Variants in FANCL observed in about 807,000 individuals in gnomAD.
The protein encoded by FANCL is FA complementation group L, also known as E3 ubiquitin-protein ligase FANCL.
FANCL carries 69 observed loss-of-function variants against 59.4 expected under a neutral mutation model. That is an observed-to-expected ratio of 1.16 (90% CI 0.96 to 1.42). FANCL has a LOEUF of 1.42. Ranked by LOEUF, FANCL falls within the 40% of genes most tolerant of loss-of-function variation. The pLI, the probability that FANCL is intolerant of heterozygous loss-of-function variation, is 0.00. For missense variants in FANCL, 519 were observed against 447.2 expected, an observed-to-expected ratio of 1.16 and a Z score of -1.45; for synonymous variants, 180 against 147.1, an observed-to-expected ratio of 1.22 and a Z score of -1.62.
chr2:58,229,026 T>C (rs999234262), intron 3 of FANCL, among the ~76,000 whole-genome samples: 4 of 152,184 alleles, frequency 2.6e-5, no homozygotes, highest in Non-Finnish European at 4.4e-5. Context: ...TGTAATTATA[T>C]TGCCAGGATG....
At chr2:58,178,580 C>T (rs72810360) in intron 7 of FANCL, among the ~76,000 whole-genome samples, 33,839 of 152,012 alleles carry the variant, frequency 0.22, 4,457 homozygotes, top group African/African-American at 0.37. Context: ...TGGAACATAT[C>T]TCAAAACAGT....
intron 5 of FANCL, among the ~76,000 whole-genome samples, chr2:58,214,317 G>A (rs1238532164): frequency 6.6e-6 from 1 of 152,018 alleles, no homozygotes; most frequent in Admixed American, 6.5e-5. Context: ...ATAATACAAA[G>A]CAAAAGACAA....
chr2:58,233,684 G>A (rs1289007237), intron 1 of FANCL, among the ~76,000 whole-genome samples: 1 of 151,926 alleles, frequency 6.6e-6, no homozygotes, highest in Non-Finnish European at 1.5e-5. Context: ...TAGAGTGCTA[G>A]GAAGGTCAGG....
chr2:58,200,035 T>G (rs1488000164), intron 6 of FANCL, among the ~76,000 whole-genome samples: 1 of 151,402 alleles, frequency 6.6e-6, no homozygotes, highest in East Asian at 1.9e-4. Context: ...TCTGGCTATG[T>G]AGAACTAATT....
At chr2:58,202,231 C>A (rs144280273) in intron 6 of FANCL, among the ~76,000 whole-genome samples, 1 of 100,708 alleles carries the variant, frequency 9.9e-6, no homozygotes. Context: ...ATACCTATAC[C>A]TTTTTCCTAA....
chr2:58,230,554 ATAC>A (rs568288142), intron 2 of FANCL, among the ~76,000 whole-genome samples: 213 of 152,320 alleles, frequency 1.4e-3, no homozygotes, highest in African/African-American at 4.9e-3. Context: ...TGTGCTCCCG[ATAC>A]TATTAAGTAA....
At chr2:58,229,196 A>T (rs1693329195) in intron 3 of FANCL, among the ~76,000 whole-genome samples, 1 of 152,222 alleles carries the variant, frequency 6.6e-6, no homozygotes, top group African/African-American at 2.4e-5. Flanking sequence ...ACAAATGCAT[A>T]AAGCATAAAA....
chr2:58,211,300 G>A (rs1490867978), intron 5 of FANCL, among the ~76,000 whole-genome samples: 2 of 152,066 alleles, frequency 1.3e-5, no homozygotes, highest in African/African-American at 2.4e-5. Context: ...ACCCTCTGCA[G>A]CCACGGCCCA....
chr2:58,219,505 A>C (rs1320410440), intron 5 of FANCL, among the ~76,000 whole-genome samples: 6 of 151,892 alleles, frequency 4.0e-5, no homozygotes, highest in African/African-American at 1.5e-4. Flanking sequence ...TCCAAAGAGT[A>C]AAGTGTGGAG....
chr2:58,237,118 T>G (rs115903145), intron 1 of FANCL, among the ~76,000 whole-genome samples: 1 of 152,112 alleles, frequency 6.6e-6, no homozygotes, highest in Non-Finnish European at 1.5e-5. Context: ...CTGAACCAAT[T>G]TGACCTAACT....
At chr2:58,159,840 C>CTCTAAAAAATAAAA in intron 13 of FANCL, 40 bp from the exon 14 acceptor site, 1 of 1,608,424 alleles carries the variant, frequency 6.2e-7, no homozygotes, top group Non-Finnish European at 8.5e-7. Flanking sequence ...TTTGTGGACA[C>CTCTAAAAAATAAAA]TCTAAAAAAT....
chr2:58,173,273 A>G lies in FANCL; in HGVS notation c.541-7399T>C, dbSNP rs1000805279. Among the ~76,000 whole-genome samples the G allele has an allele frequency of 4.6e-5, 7 of 152,184 alleles. No homozygotes were observed. In the South Asian group the frequency reaches 1.0e-3, roughly 22 times the overall value. On this transcript the variant is annotated intron_variant, in intron 7 of 13. Transcript: ENST00000233741. ...CAAGGCAGGCCAACATTCAGATTAA[A>G]GAAATACAGAGAATGCCACAAAGAT...
At chr2:58,177,856 A>C (rs548832663) in intron 7 of FANCL, among the ~76,000 whole-genome samples, 2 of 151,980 alleles carry the variant, frequency 1.3e-5, no homozygotes, top group Admixed American at 6.6e-5. Context: ...ACTAATAAAG[A>C]AGAAAAGAGA....
intron 1 of FANCL, among the ~76,000 whole-genome samples, chr2:58,238,874 C>A (rs1210166020): frequency 1.2e-4 from 18 of 152,114 alleles, no homozygotes; most frequent in Non-Finnish European, 2.2e-4. Context: ...TTTTAAAACA[C>A]TGATGAGAGG....
intron 11 of FANCL, among the ~76,000 whole-genome samples, chr2:58,162,104 A>G (rs985616613): frequency 1.8e-4 from 28 of 152,048 alleles, no homozygotes; most frequent in Admixed American, 2.6e-4. Context: ...CCCTGATAGT[A>G]TTTAAAGAAA....
intron 13 of FANCL, 33 bp from the exon 14 acceptor site, chr2:58,159,833 G>T (rs1354500464): frequency 6.2e-7 from 1 of 1,610,022 alleles, no homozygotes; most frequent in Non-Finnish European, 8.5e-7. Flanking sequence ...AACAAAGTTT[G>T]TGGACACTCT....
rs759217429 is a variant in FANCL, at chr2:58,232,107, T to C, written c.102A>G (p.Arg34=). The C allele has an allele frequency of 1.2e-6, 2 of 1,612,950 alleles. No homozygotes were observed. Among genetic ancestry groups the C allele is most frequent in the African/African-American group, 1.3e-5 (1 of 75,032 alleles). The change falls in exon 2 of 14, where the codon AGA becomes AGG. Residue 34 remains arginine (R), a synonymous_variant. Transcript: ENST00000233741. ...VYEGFISAQG[R]DFHLRIVLPE... is the part of the protein sequence containing the mutation. Reference sequence around the variant, plus strand: ...GCAACACTATCCTAAGGTGGAAGTCTCTTCCCTGTGGAAAATATTGAAAAG... The same window carrying C: ...GCAACACTATCCTAAGGTGGAAGTCCCTTCCCTGTGGAAAATATTGAAAAG...
chr2:58,229,874 T>C lies in FANCL; in HGVS notation c.156A>G (p.Arg52=). The change falls in exon 3 of 14, where the codon AGA becomes AGG. Residue 52 remains arginine, a splice_region_variant and synonymous_variant. Coordinates refer to ENST00000233741, the MANE Select transcript of FANCL (RefSeq NM_018062.4). ...TTCTCAGCTGCCAACTACATAATAA[T>C]CTAAAATTTTAATGAGACAAAATGG... is the stretch of plus-strand genomic sequence containing the variant. ...LPEDLQLKNA[R]LLCSWQLRTI... is the part of the protein sequence containing the mutation. 1 of 1,606,018 alleles carries C rather than the reference T, an allele frequency of 6.2e-7. No homozygotes were observed. Among genetic ancestry groups the C allele is most frequent in the Non-Finnish European group, 8.5e-7 (1 of 1,172,916 alleles).
intron 5 of FANCL, among the ~76,000 whole-genome samples, chr2:58,221,334 A>G (rs575194077): frequency 6.6e-6 from 1 of 152,380 alleles, no homozygotes; most frequent in Admixed American, 6.5e-5. Flanking sequence ...GAAACTGAAT[A>G]GCAAACAAAT....
Sources: gnomAD v4.1 joint callset for allele counts (sites outside exome capture counted in the v4.1 genomes callset) on GRCh38, gnomAD v4.1.1 for gene constraint, MANE v1.5 for transcripts, NCBI Gene and HGNC (gene_info 2026-07-23, HGNC 2026-07-21) for gene names.